ATG4A: variants seen among roughly 807,000 people sequenced by gnomAD.
The protein encoded by ATG4A is autophagy related 4A cysteine peptidase.
In ATG4A, 22 loss-of-function variants were observed where a neutral mutation model predicts 38.4. The ratio of observed to expected loss-of-function variants is 0.57; its 90% CI spans 0.41 to 0.82. ATG4A has a LOEUF of 0.82. Among genes scored for constraint, ATG4A ranks in the 40% least tolerant of loss-of-function variants. ATG4A has a pLI of 0.00. For missense variants in ATG4A, 220 were observed against 290.0 expected, an observed-to-expected ratio of 0.76 and a Z score of 1.75; for synonymous variants, 86 against 100.7, an observed-to-expected ratio of 0.85 and a Z score of 0.88.
chrX:108,140,988 G>GTA (rs1491113391), intron 9 of ATG4A, among the ~76,000 whole-genome samples: 5 of 59,992 alleles, frequency 8.3e-5, no homozygotes, highest in Admixed American at 4.2e-4. Context: ...ATATATATAC[G>GTA]TATATATATA....
intron 1 of ATG4A, among the ~76,000 whole-genome samples, chrX:108,120,983 C>T (rs1235669901): frequency 8.9e-6 from 1 of 112,577 alleles, no homozygotes; most frequent in East Asian, 2.8e-4. Context: ...TATTTGACAA[C>T]CTAGCATTGC....
At chrX:108,094,904 T>C (rs1212204002) in intron 1 of ATG4A, among the ~76,000 whole-genome samples, 3 of 112,595 alleles carry the variant, frequency 2.7e-5, no homozygotes, top group African/African-American at 9.7e-5. Context: ...TCAGAAAATA[T>C]ATATGCTGCA....
At chrX:108,148,022 T>A (rs1416746880) in intron 9 of ATG4A, among the ~76,000 whole-genome samples, 3 of 400 alleles carry the variant, frequency 7.5e-3, no homozygotes, top group African/African-American at 0.015. Context: ...TAATGGAAAA[T>A]ATATATATAT....
intron 9 of ATG4A, among the ~76,000 whole-genome samples, chrX:108,148,020 AATAT>A (rs60886281): frequency 1.2e-3 from 98 of 79,797 alleles, no homozygotes; most frequent in Non-Finnish European, 1.9e-3. Context: ...ACTAATGGAA[AATAT>A]ATATATATAT....
intron 1 of ATG4A, among the ~76,000 whole-genome samples, chrX:108,113,270 G>T (rs1333347243): frequency 1.8e-5 from 2 of 111,598 alleles, no homozygotes; most frequent in Non-Finnish European, 3.8e-5. Flanking sequence ...TCTTGCTGGG[G>T]ATACTAGAAA....
At chrX:108,142,297 A>G (rs2033319074) in intron 9 of ATG4A, among the ~76,000 whole-genome samples, 1 of 110,717 alleles carries the variant, frequency 9.0e-6, no homozygotes, top group African/African-American at 3.3e-5. Context: ...AGACCCAGCT[A>G]CTTGGAAGGC....
intron 1 of ATG4A, among the ~76,000 whole-genome samples, chrX:108,102,350 A>T (rs2032039437): frequency 8.9e-6 from 1 of 111,913 alleles, no homozygotes; most frequent in African/African-American, 3.3e-5. Flanking sequence ...GGTCATTTGT[A>T]TGTCTTATTT....
intron 1 of ATG4A, among the ~76,000 whole-genome samples, chrX:108,118,497 C>G (rs967158620): frequency 2.7e-5 from 3 of 111,599 alleles, no homozygotes; most frequent in Non-Finnish European, 5.6e-5. Context: ...AGGTAATGGT[C>G]CCTGCCCTGT....
chrX:108,133,857 A>G (rs931441848), intron 4 of ATG4A, among the ~76,000 whole-genome samples, 200 bp from the exon 5 acceptor site: 6 of 112,029 alleles, frequency 5.4e-5, no homozygotes, highest in Admixed American at 9.5e-5. Flanking sequence ...CTTTATACCC[A>G]CTGAGTCCTT....
chrX:108,119,411 C>G (rs190972821), intron 1 of ATG4A, among the ~76,000 whole-genome samples: 31 of 111,338 alleles, frequency 2.8e-4, no homozygotes, highest in African/African-American at 1.0e-3. Context: ...TTTATCATAA[C>G]AACACAATGA....
At chrX:108,094,466 T>C (rs1349125315) in intron 1 of ATG4A, among the ~76,000 whole-genome samples, 1 of 111,556 alleles carries the variant, frequency 9.0e-6, no homozygotes, top group Admixed American at 9.5e-5. Context: ...CCATCCAGGA[T>C]ACCACATTAC....
At chrX:108,097,794 T>C (rs2031873321) in intron 1 of ATG4A, among the ~76,000 whole-genome samples, 1 of 111,953 alleles carries the variant, frequency 8.9e-6, no homozygotes, top group Admixed American at 9.4e-5. Flanking sequence ...CCATGAAACT[T>C]CTCCATTCCC....
chrX:108,117,708 A>G (rs1360858596), intron 1 of ATG4A, among the ~76,000 whole-genome samples: 1 of 112,090 alleles, frequency 8.9e-6, no homozygotes, highest in Non-Finnish European at 1.9e-5. Context: ...TTAGCATTTT[A>G]TTGTCAACAG....
intron 1 of ATG4A, among the ~76,000 whole-genome samples, chrX:108,105,312 G>A (rs1394442306): frequency 1.8e-5 from 2 of 111,609 alleles, no homozygotes; most frequent in African/African-American, 6.5e-5. Flanking sequence ...GAGGATACTT[G>A]ACTTCTCTGG....
rs1296309836 is a variant in ATG4A, at chrX:108,128,787, C to A, written c.128C>A (p.Ser43Tyr). 1 of 1,166,180 alleles carries A rather than the reference C, an allele frequency of 8.6e-7. No individual in the cohort carries two copies. The highest frequency in any genetic ancestry group is 3.1e-5 in the East Asian group (1 of 32,291). The part of the protein sequence containing the change: ...GKQHLLKTEK[S>Y]KLLSDISARL... ...ATTTTACATTTAATTACAGAAAAAT[C>A]TAAGCTGTTGTCTGATATAAGTGCT... The change falls in exon 3 of 13, where the codon TCT (serine) becomes TAT (tyrosine). Residue 43 changes from serine to tyrosine, a missense_variant. Physicochemically the swap from Ser to Tyr is moderately radical, Grantham distance 144. This residue lies in a region of ATG4A where 61 missense variants were observed against 83.3 expected (regional missense o/e 0.73). Coordinates refer to ENST00000372232, the MANE Select transcript of ATG4A (RefSeq NM_052936.5).
chrX:108,124,512 C>T (rs746434182), intron 1 of ATG4A, among the ~76,000 whole-genome samples: 15 of 107,630 alleles, frequency 1.4e-4, no homozygotes, highest in South Asian at 4.2e-4. Context: ...AGTGTAGTGG[C>T]GCGATCTTGG....
chrX:108,134,770 A>T (rs1167765137), intron 6 of ATG4A, among the ~76,000 whole-genome samples: 1 of 112,023 alleles, frequency 8.9e-6, no homozygotes, highest in African/African-American at 3.2e-5. Flanking sequence ...CAGCCTAAGC[A>T]AGAAATGGAC....
Position 108,152,966 on chromosome X carries a change from G to T in ATG4A, c.1018-13G>T. 8.6e-7 allele frequency: 1 copy of T among 1,160,111 alleles called. No individual in the cohort carries two copies. The highest frequency in any genetic ancestry group is 1.2e-6 in the Non-Finnish European group (1 of 849,120). On this transcript the variant is annotated splice_polypyrimidine_tract_variant and intron_variant, in intron 11 of 12. Transcript: ENST00000372232. ...ACTCTGAAGTATTTAAAACTGTTTT[G>T]TCATCTCCCCAGGAAATTCTAAAGG...
chrX:108,123,911 A>G (rs1263488344), intron 1 of ATG4A, among the ~76,000 whole-genome samples: 2 of 112,548 alleles, frequency 1.8e-5, no homozygotes, highest in Non-Finnish European at 3.8e-5. Flanking sequence ...GCTTATATGC[A>G]TACATGCTGT....
Sources: allele counts gnomAD v4.1 joint callset (sites outside exome capture counted in the v4.1 genomes callset), GRCh38; gene constraint gnomAD v4.1.1; regional missense constraint gnomAD v4.1.1; transcripts MANE v1.5; gene names NCBI Gene and HGNC (gene_info 2026-07-23, HGNC 2026-07-21).